SKIC8: variants seen among roughly 807,000 people sequenced by gnomAD.
SKIC8 encodes the protein SKI8 subunit of superkiller complex.
chr15:78,295,130 A>G, the SKIC8 span: 1 of 787,582 alleles, frequency 1.3e-6, no homozygotes, highest in Middle Eastern at 2.3e-4. Context: ...CTTGATTCCC[A>G]TTCATGCAAG....
chr15:78,289,672 C>G, the SKIC8 span: 1 of 1,614,144 alleles, frequency 6.2e-7, no homozygotes, highest in Non-Finnish European at 8.5e-7. Flanking sequence ...ATTGATGATT[C>G]CATCTATGGC....
the SKIC8 span, among the ~76,000 whole-genome samples, chr15:78,289,429 C>CA: frequency 2.0e-5 from 3 of 148,276 alleles, no homozygotes; most frequent in East Asian, 2.0e-4. Context: ...AACAAACAAA[C>CA]AAAAAAACAA....
chr15:78,288,195 G>A, the SKIC8 span: 1 of 1,326,828 alleles, frequency 7.5e-7, no homozygotes, highest in East Asian at 2.4e-5. Flanking sequence ...CTTGAGCACA[G>A]GTCTTTACTA....
At chr15:78,298,017 T>C in the SKIC8 span, among the ~76,000 whole-genome samples, 1 of 152,200 alleles carries the variant, frequency 6.6e-6, no homozygotes, top group South Asian at 2.1e-4. Flanking sequence ...CCTTCCAAAG[T>C]GCTGGGATTA....
At chr15:78,285,388 C>G in the SKIC8 span, 17 of 1,557,080 alleles carry the variant, frequency 1.1e-5, no homozygotes, top group African/African-American at 1.9e-4. Flanking sequence ...GGAAGGACTT[C>G]GACCAAAAAT....
the SKIC8 span, chr15:78,285,279 G>A: frequency 1.2e-6 from 2 of 1,614,184 alleles, no homozygotes; most frequent in African/African-American, 1.3e-5. Flanking sequence ...GGTGATCAAA[G>A]AAGGTGTGAA....
At chr15:78,289,815 G>A in the SKIC8 span, 1 of 1,511,654 alleles carries the variant, frequency 6.6e-7, no homozygotes, top group Non-Finnish European at 9.1e-7. Context: ...AGGTCTAACT[G>A]GCTACTTGGC....
At chr15:78,295,803 G>T in the SKIC8 span, 1 of 1,230,958 alleles carries the variant, frequency 8.1e-7, no homozygotes. Context: ...CCTTGACCAA[G>T]AAAATAAGGC....
At chr15:78,299,597 T>A in the SKIC8 span, 1 of 152,340 alleles carries the variant, frequency 6.6e-6, no homozygotes, top group Non-Finnish European at 1.5e-5. Flanking sequence ...GAAGCCGGGC[T>A]CCGCGCGACT....
the SKIC8 span, chr15:78,289,649 C>T: frequency 6.2e-7 from 1 of 1,614,042 alleles, no homozygotes; most frequent in Non-Finnish European, 8.5e-7. Context: ...TTTCCAGTTG[C>T]AATATCAAAA....
the SKIC8 span, chr15:78,286,182 A>G: frequency 6.6e-7 from 1 of 1,505,256 alleles, no homozygotes. Flanking sequence ...TTTCTACAGT[A>G]TAATCACTGA....
At chr15:78,298,646 C>G in the SKIC8 span, among the ~76,000 whole-genome samples, 1 of 152,164 alleles carries the variant, frequency 6.6e-6, no homozygotes, top group Non-Finnish European at 1.5e-5. Context: ...AGAAAAAACA[C>G]AGTATAGATG....
chr15:78,298,971 G>C, the SKIC8 span, among the ~76,000 whole-genome samples: 1 of 152,204 alleles, frequency 6.6e-6, no homozygotes, highest in Non-Finnish European at 1.5e-5. Flanking sequence ...TCAGAGCTAA[G>C]AGACTTTAGA....
chr15:78,285,827 A>C, the SKIC8 span: 4 of 476,876 alleles, frequency 8.4e-6, no homozygotes, highest in Non-Finnish European at 1.5e-5. Context: ...ATAATGAAAA[A>C]ACTAAGAGTT....
At chr15:78,285,666 T>C in the SKIC8 span, 2 of 453,890 alleles carry the variant, frequency 4.4e-6, no homozygotes, top group East Asian at 3.7e-5. Context: ...TGCCTTCAAG[T>C]TGTCCATCTC....
the SKIC8 span, among the ~76,000 whole-genome samples, chr15:78,289,459 G>A: frequency 1.3e-5 from 2 of 152,030 alleles, no homozygotes; most frequent in South Asian, 4.2e-4. Context: ...AAAAACTATA[G>A]TGACAAGACT....
At chr15:78,287,998 T>G in the SKIC8 span, among the ~76,000 whole-genome samples, 1 of 152,146 alleles carries the variant, frequency 6.6e-6, no homozygotes, top group African/African-American at 2.4e-5. Context: ...GTATATTACT[T>G]ACCTATCCCA....
the SKIC8 span, chr15:78,285,594 GA>G: frequency 1.3e-5 from 7 of 550,324 alleles, no homozygotes; most frequent in Non-Finnish European, 2.0e-5. Context: ...TTCCAGATGG[GA>G]GGGAGGCCTG....
the SKIC8 span, chr15:78,291,349 T>G: frequency 6.6e-6 from 1 of 152,188 alleles, no homozygotes; most frequent in Admixed American, 6.5e-5. Context: ...CCTCTTTTCT[T>G]AAGACCATGC....
Sources: gnomAD v4.1 joint callset for allele counts (sites outside exome capture counted in the v4.1 genomes callset) on GRCh38, gnomAD v4.1.1 for gene constraint, MANE v1.5 for transcripts, NCBI Gene and HGNC (gene_info 2026-07-23, HGNC 2026-07-21) for gene names.